The following LMX1A variants were observed in gnomAD, a reference collection of about 807,000 sequenced individuals.
LMX1A encodes LIM homeobox transcription factor 1-alpha.
A neutral mutation model predicts 49.1 loss-of-function variants in LMX1A; 15 were observed. The ratio of observed to expected loss-of-function variants is 0.31; its 90% CI spans 0.20 to 0.47. LMX1A has a LOEUF of 0.47. Among genes scored for constraint, LMX1A ranks in the 20% least tolerant of loss-of-function variants. LMX1A has a pLI of 1.00. For missense variants in LMX1A, 372 were observed against 475.8 expected (o/e 0.78, Z 2.03); for synonymous variants, 167 against 185.7 (o/e 0.90, Z 0.82).
chr1:165,329,885 T>C (rs796865880), intron 3 of LMX1A, among the ~76,000 whole-genome samples: 21 of 152,352 alleles, frequency 1.4e-4, no homozygotes, highest in African/African-American at 5.0e-4. Flanking sequence ...TGTTTGAGTA[T>C]GTCTATGGAC....
At chr1:165,285,852 G>A (rs1238110128) in intron 3 of LMX1A, among the ~76,000 whole-genome samples, 1 of 152,196 alleles carries the variant, frequency 6.6e-6, no homozygotes, top group African/African-American at 2.4e-5. Flanking sequence ...GAGGAAGGAC[G>A]GGGGCTATGA....
At chr1:165,276,764 G>C (rs1228058336) in intron 3 of LMX1A, among the ~76,000 whole-genome samples, 2 of 152,178 alleles carry the variant, frequency 1.3e-5, no homozygotes, top group Non-Finnish European at 2.9e-5. Context: ...CAATTAGGAA[G>C]TTAAGAAGGA....
intron 3 of LMX1A, among the ~76,000 whole-genome samples, chr1:165,302,156 G>T (rs1205510213): frequency 1.3e-5 from 2 of 151,702 alleles, no homozygotes; most frequent in African/African-American, 4.8e-5. Flanking sequence ...AAGAGAATGA[G>T]GCTGGGTGTG....
intron 3 of LMX1A, among the ~76,000 whole-genome samples, chr1:165,293,578 A>G (rs1654538166): frequency 6.6e-6 from 1 of 152,256 alleles, no homozygotes; most frequent in Admixed American, 6.5e-5. Flanking sequence ...ATAGTTGTTA[A>G]GCATGTTGTG....
In LMX1A at chr1:165,205,932, T is replaced by C. The variant is rs1489772223; in HGVS notation, c.920A>G (p.Tyr307Cys). The C allele has an allele frequency of 6.2e-7, 1 of 1,613,926 alleles. No individual in the cohort carries two copies. The highest frequency in any genetic ancestry group is 1.3e-5 in the African/African-American group (1 of 74,896). ...ACCCTGTCGGAAGGGATCTGAGCTG[T>C]AGACACTCTGCTCGATGGCCAGGAG... ...QQLLAIEQSVYSSDPFRQGLT... is the reference protein window; with the variant it reads ...QQLLAIEQSVCSSDPFRQGLT... Residue 307 changes from tyrosine (Y) to cysteine (C), a missense_variant, in exon 8 of 9, where the codon TAC becomes TGC. Tyr to Cys is a radical substitution (Grantham distance 194). Transcript: ENST00000342310.
At chr1:165,306,052 T>C (rs866806312) in intron 3 of LMX1A, among the ~76,000 whole-genome samples, 18 of 152,184 alleles carry the variant, frequency 1.2e-4, no homozygotes, top group African/African-American at 4.3e-4. Context: ...ACAGAAAAAG[T>C]CAGCTTTCTC....
intron 7 of LMX1A, among the ~76,000 whole-genome samples, chr1:165,207,054 A>G (rs1186283617): frequency 6.6e-6 from 1 of 152,200 alleles, no homozygotes; most frequent in Non-Finnish European, 1.5e-5. Context: ...CACAGATTTC[A>G]AAGTGTGGTC....
At chr1:165,259,750 A>G (rs183825871) in intron 3 of LMX1A, among the ~76,000 whole-genome samples, 1 of 152,344 alleles carries the variant, frequency 6.6e-6, no homozygotes, top group East Asian at 1.9e-4. Context: ...TCAAGAAACT[A>G]AAGAGATTAT....
At chr1:165,291,036 A>T (rs778977615) in intron 3 of LMX1A, among the ~76,000 whole-genome samples, 4 of 152,236 alleles carry the variant, frequency 2.6e-5, no homozygotes, top group Non-Finnish European at 4.4e-5. Flanking sequence ...TGCCCACTGC[A>T]TTGCTTACTG....
chr1:165,334,757 C>A (rs1655852124), intron 3 of LMX1A, among the ~76,000 whole-genome samples: 1 of 152,172 alleles, frequency 6.6e-6, no homozygotes, highest in African/African-American at 2.4e-5. Flanking sequence ...GGCATTAGTG[C>A]AACAAGCTAA....
intron 3 of LMX1A, among the ~76,000 whole-genome samples, chr1:165,306,193 T>C (rs1346153197): frequency 6.6e-6 from 1 of 152,194 alleles, no homozygotes; most frequent in Non-Finnish European, 1.5e-5. Flanking sequence ...AGAGCTCAGG[T>C]TAATGGAAAT....
At chr1:165,258,632 G>T (rs1386175570) in intron 3 of LMX1A, among the ~76,000 whole-genome samples, 8 of 152,168 alleles carry the variant, frequency 5.3e-5, no homozygotes, top group African/African-American at 1.7e-4. Context: ...TAAGTATGAT[G>T]TCTGCACGTC....
chr1:165,316,836 C>T (rs1472063535), intron 3 of LMX1A, among the ~76,000 whole-genome samples: 1 of 152,128 alleles, frequency 6.6e-6, no homozygotes, highest in African/African-American at 2.4e-5. Flanking sequence ...ACCTCCCCAT[C>T]CGGATCCCAC....
rs1651091241 is a variant in LMX1A, at chr1:165,206,605, A to G, written c.818-571T>C. 2.0e-5 allele frequency among the ~76,000 whole-genome samples: 3 copies of G among 152,216 alleles called. No homozygotes were observed. The South Asian group carries it at 6.2e-4, about 32-fold the overall frequency. ...TTATTTAAACTAAGTCCCAAGCCAT[A>G]TGAGTTTGTGTTCTCATATGCTTTG... On this transcript the variant is annotated intron_variant, in intron 7 of 8. Transcript: ENST00000342310.
In LMX1A at chr1:165,355,609, G is replaced by T; in HGVS notation, c.-22-28C>A. The T allele has an allele frequency of 6.4e-7, 1 of 1,567,676 alleles. No individual in the cohort carries two copies. On this transcript the variant is annotated intron_variant, in intron 1 of 8. Transcript: ENST00000342310. The surrounding 1 kb of genome is among the most constrained non-coding windows in gnomAD (Gnocchi z 4.7). ...GTAGAGGAGAAGAAACGATGCGTCT[G>T]ACGTCCGTGCCCGCTGGGACTCGGC...
chr1:165,218,105 T>A (rs1651706819), intron 4 of LMX1A, among the ~76,000 whole-genome samples: 1 of 152,196 alleles, frequency 6.6e-6, no homozygotes, highest in Non-Finnish European at 1.5e-5. Context: ...AAAACAGGCA[T>A]CAGGCCAGAT....
chr1:165,266,007 T>C (rs1314293263), intron 3 of LMX1A, among the ~76,000 whole-genome samples: 2 of 152,210 alleles, frequency 1.3e-5, no homozygotes, highest in Non-Finnish European at 2.9e-5. Flanking sequence ...TTTATTCATA[T>C]ATACAACAAA....
intron 4 of LMX1A, among the ~76,000 whole-genome samples, chr1:165,239,674 T>C (rs1029442199): frequency 2.6e-5 from 4 of 152,230 alleles, no homozygotes; most frequent in Non-Finnish European, 5.9e-5. Context: ...TTCTTGCCTA[T>C]CATCCAGAGA....
At chr1:165,242,929 CAAAA>C (rs35937155) in intron 4 of LMX1A, among the ~76,000 whole-genome samples, 2,905 of 115,168 alleles carry the variant, frequency 0.025, 106 homozygotes, top group African/African-American at 0.09. Flanking sequence ...AACTCCACCT[CAAAA>C]AAAAAAAAAA....
Sources: gnomAD v4.1 joint callset for allele counts (sites outside exome capture counted in the v4.1 genomes callset) on GRCh38, gnomAD v4.1.1 for gene constraint, Gnocchi (gnomAD v3.1) non-coding constraint, MANE v1.5 for transcripts, NCBI Gene and HGNC (gene_info 2026-07-23, HGNC 2026-07-21) for gene names.